Variants in GOLGA3 observed in about 807,000 individuals in gnomAD.
GOLGA3 encodes the protein golgin A3.
A neutral mutation model predicts 169.4 loss-of-function variants in GOLGA3; 75 were observed. The ratio of observed to expected loss-of-function variants is 0.44; its 90% CI spans 0.37 to 0.54. The LOEUF (loss-of-function observed/expected upper bound fraction) is 0.54. GOLGA3 is among the 20% of genes least tolerant of loss of function. The probability of loss-of-function intolerance (pLI) is 0.00; values close to 1 mark genes in which losing one functional copy is unlikely to be tolerated. For synonymous variants in GOLGA3, 824 were observed against 822.4 expected, an observed-to-expected ratio of 1.00 and a Z score of -0.03; for missense variants, 1,899 against 1,930.0, an observed-to-expected ratio of 0.98 and a Z score of 0.30.
chr12:132,784,865 T>C (rs535619585), intron 15 of GOLGA3, among the ~76,000 whole-genome samples: 1 of 151,200 alleles, frequency 6.6e-6, no homozygotes, highest in East Asian at 2.0e-4. Context: ...CCACACACCA[T>C]GCACACAAAC....
At chr12:132,776,349 C>A in intron 21 of GOLGA3, among the ~76,000 whole-genome samples, 1 of 142,756 alleles carries the variant, frequency 7.0e-6, no homozygotes, top group African/African-American at 2.6e-5. Context: ...CCCTCCAGCT[C>A]CTTCCTCCCT....
intron 15 of GOLGA3, among the ~76,000 whole-genome samples, chr12:132,784,704 CCCACACA>C (rs910718789): frequency 1.4e-5 from 2 of 144,166 alleles, no homozygotes; most frequent in Admixed American, 6.8e-5. Context: ...ATGTTCACAT[CCCACACA>C]CCACACACAC....
chr12:132,777,512 G>A lies in GOLGA3; in HGVS notation c.3722+154C>T, dbSNP rs963085049. On this transcript the variant is annotated intron_variant, in intron 19 of 23. Coordinates refer to ENST00000450791, the MANE Select transcript of GOLGA3 (RefSeq NM_001389683.1). This position sits in a 1 kb window ranked among gnomAD's most constrained non-coding sequence, Gnocchi z 4.7. ...AGTGAGTGAGGCTCAGGATTCTGGA[G>A]ACGGAGGCTGGGTGCCTTCTACTCC... Among the ~76,000 whole-genome samples the A allele has an allele frequency of 6.6e-6, 1 of 152,256 alleles. No homozygotes were observed. The highest frequency in any genetic ancestry group is 1.5e-5 in the Non-Finnish European group (1 of 68,052).
At chr12:132,802,067 G>A in intron 7 of GOLGA3, 98 bp from the exon 8 acceptor site, 2 of 877,008 alleles carry the variant, frequency 2.3e-6, no homozygotes, top group South Asian at 1.6e-5. Context: ...TCTCAGGGGA[G>A]ACCAAGAATG....
In GOLGA3 at chr12:132,796,705, G is replaced by A; in HGVS notation, c.1939-5C>T. ...TTCCTGATCCAACATGTCAGCCTGA[G>A]CCCAGGAAACTTGTTTTTAAAAAGG... On this transcript the variant is annotated splice_region_variant and splice_polypyrimidine_tract_variant and intron_variant, in intron 9 of 23. Coordinates refer to ENST00000450791, the MANE Select transcript of GOLGA3 (RefSeq NM_001389683.1). The A allele has an allele frequency of 1.2e-6, 2 of 1,612,912 alleles. No individual in the cohort carries two copies. Among genetic ancestry groups the A allele is most frequent in the Non-Finnish European group, 1.7e-6 (2 of 1,179,682 alleles).
In GOLGA3 at chr12:132,808,258, C is replaced by G. The variant is rs1163006580; in HGVS notation, c.811G>C (p.Gly271Arg). ...GNVPAPDSTK[G>R]SLKQNRSSAA... is the part of the protein sequence containing the mutation. ...CTGCTTCTGTTCTGCTTCAGGGAAC[C>G]CTTGGTAGAATCGGGAGCCGGGACA... The change falls in exon 5 of 24, where the codon GGT (glycine) becomes CGT (arginine). Residue 271 changes from glycine to arginine, a missense_variant. By Grantham distance (125) the Gly-to-Arg change is moderately radical (BLOSUM62 -2). Transcript: ENST00000450791. 2 of 1,613,924 alleles carry G rather than the reference C, an allele frequency of 1.2e-6. No individual in the cohort carries two copies. The highest frequency in any genetic ancestry group is 1.7e-5 in the Admixed American group (1 of 59,994).
At chr12:132,781,555 C>T (rs2045609272) in intron 17 of GOLGA3, among the ~76,000 whole-genome samples, 1 of 152,050 alleles carries the variant, frequency 6.6e-6, no homozygotes, top group Non-Finnish European at 1.5e-5. Context: ...GTATTACTAA[C>T]AACAACAACA....
chr12:132,788,979 T>A, intron 13 of GOLGA3, 48 bp downstream of exon 13: 3 of 417,284 alleles, frequency 7.2e-6, no homozygotes, highest in Non-Finnish European at 6.7e-6. Context: ...CGACAAGCAC[T>A]TTGGCCGAAT....
In GOLGA3 at chr12:132,816,542, A is replaced by C. The variant is rs1396433055; in HGVS notation, c.404T>G (p.Leu135Arg). The C allele has an allele frequency of 5.6e-6, 9 of 1,612,038 alleles. No individual in the cohort carries two copies. The highest frequency in any genetic ancestry group is 6.8e-6 in the Non-Finnish European group (8 of 1,178,488). Reference protein sequence around the residue: ...RLSLPMQETQLCSTDSPLPLE... With the variant: ...RLSLPMQETQRCSTDSPLPLE... ...AAAGCGGGGTAACGGATGCTTACAC[A>C]GTTGCGTTTCTTGCATAGGAAGACT... Residue 135 changes from leucine to arginine, a missense_variant and splice_region_variant, in exon 3 of 24, where the codon CTG becomes CGG. Coordinates refer to ENST00000450791, the MANE Select transcript of GOLGA3 (RefSeq NM_001389683.1).
At chr12:132,810,410 A>G (rs917559160) in intron 4 of GOLGA3, among the ~76,000 whole-genome samples, 4 of 152,210 alleles carry the variant, frequency 2.6e-5, no homozygotes, top group East Asian at 1.9e-4. Context: ...GTTCCAGTAT[A>G]ATAAAGTATA....
At chr12:132,784,879 C>G (rs1300830292) in intron 15 of GOLGA3, among the ~76,000 whole-genome samples, 2 of 151,972 alleles carry the variant, frequency 1.3e-5, no homozygotes, top group Non-Finnish European at 2.9e-5. Context: ...CACAAACACT[C>G]CACACGCTGC....
At chr12:132,818,484 C>T (rs1763635847) in intron 2 of GOLGA3, among the ~76,000 whole-genome samples, 1 of 152,196 alleles carries the variant, frequency 6.6e-6, no homozygotes, top group Non-Finnish European at 1.5e-5. Flanking sequence ...TGGTCTCAAA[C>T]TCCTCCCCAT....
chr12:132,808,414 G>A lies in GOLGA3; in HGVS notation c.655C>T (p.Arg219Trp), dbSNP rs1257495249. The A allele has an allele frequency of 7.4e-6, 12 of 1,614,012 alleles. No individual in the cohort carries two copies. The highest frequency in any genetic ancestry group is 4.0e-5 in the African/African-American group (3 of 74,894). Residue 219 changes from arginine (R) to tryptophan (W), a missense_variant, in exon 5 of 24, where the codon CGG (arginine) becomes TGG (tryptophan). Arg to Trp is a moderately radical substitution (Grantham distance 101). Coordinates refer to ENST00000450791, the MANE Select transcript of GOLGA3 (RefSeq NM_001389683.1). ...EYSFLRTSVPRGPKVGSLGLP... is the reference protein window; with the variant it reads ...EYSFLRTSVPWGPKVGSLGLP... ...CCCAGGCTGCCCACCTTAGGCCCCC[G>A]AGGGACACTGGTGCGCAGGAAGGAA...
intron 6 of GOLGA3, among the ~76,000 whole-genome samples, chr12:132,806,971 G>A (rs545440744): frequency 1.1e-4 from 17 of 151,916 alleles, no homozygotes; most frequent in Admixed American, 7.9e-4. Context: ...GGAGAAACAC[G>A]CCCATGCACG....
chr12:132,786,857 G>A, intron 13 of GOLGA3, 70 bp from the exon 14 acceptor site: 1 of 1,075,806 alleles, frequency 9.3e-7, no homozygotes, highest in Non-Finnish European at 1.4e-6. Flanking sequence ...CCTGGCTCCA[G>A]CCCATCACCC....
chr12:132,776,157 GTA>G (rs2045219486), intron 21 of GOLGA3, among the ~76,000 whole-genome samples: 1 of 91,902 alleles, frequency 1.1e-5, no homozygotes, highest in Non-Finnish European at 3.0e-5. Flanking sequence ...TCATACACAG[GTA>G]CCTGCAGCAG....
At chr12:132,829,045 G>A (rs978322340), upstream of GOLGA3, among the ~76,000 whole-genome samples, 3 of 152,272 alleles carry the variant, frequency 2.0e-5, no homozygotes, top group South Asian at 6.2e-4. Flanking sequence ...GCCGCCTTCA[G>A]AAAGTGACCT....
At position 132,804,805 on chromosome 12, in the gene GOLGA3, T is replaced by C; in HGVS notation, c.1508A>G (p.Asn503Ser). 1 of 1,614,218 alleles carries C rather than the reference T, an allele frequency of 6.2e-7. No individual in the cohort carries two copies. Among genetic ancestry groups the C allele is most frequent in the Non-Finnish European group, 8.5e-7 (1 of 1,180,020 alleles). ...CTGCTCCTCGGCCACCTGCAAGTCG[T>C]TGTTGGACGACGCCAGGCTGGCATT... is the stretch of plus-strand genomic sequence containing the variant. ...AKNASLASSN[N>S]DLQVAEEQYQ... Residue 503 changes from asparagine to serine, a missense_variant, in exon 7 of 24, where the codon AAC becomes AGC. Coordinates refer to ENST00000450791, the MANE Select transcript of GOLGA3 (RefSeq NM_001389683.1). The surrounding 1 kb of genome is among the most constrained non-coding windows in gnomAD (Gnocchi z 4.1).
At chr12:132,774,877 A>G in intron 22 of GOLGA3, 1 of 526,220 alleles carries the variant, frequency 1.9e-6, no homozygotes, top group Non-Finnish European at 3.3e-6. Flanking sequence ...GCCGAGTCAC[A>G]GACCACCGCT....
Sources: gnomAD v4.1 joint callset for allele counts (sites outside exome capture counted in the v4.1 genomes callset) on GRCh38, gnomAD v4.1.1 for gene constraint, Gnocchi (gnomAD v3.1) non-coding constraint, MANE v1.5 for transcripts, NCBI Gene and HGNC (gene_info 2026-07-23, HGNC 2026-07-21) for gene names.